Variants in SLC6A18 observed in about 807,000 individuals in gnomAD.
SLC6A18 encodes the protein inactive sodium-dependent neutral amino acid transporter B(0)AT3.
Under a neutral mutation model 62.9 loss-of-function variants are expected in SLC6A18, and 58 were observed. The observed-to-expected ratio is 0.92, with a 90% CI of 0.75 to 1.15. The LOEUF (loss-of-function observed/expected upper bound fraction) is 1.15, where lower values mean the gene tolerates loss of function less well. Ranked by LOEUF, SLC6A18 falls within the 50% of genes most tolerant of loss-of-function variation. SLC6A18 has a pLI of 0.00. For missense variants in SLC6A18, 793 were observed against 836.6 expected (o/e 0.95, Z 0.64); for synonymous variants, 382 against 365.8 (o/e 1.04, Z -0.51).
intron 9 of SLC6A18, 27 bp from the exon 10 acceptor site, chr5:1,244,187 C>CCCCCCCCCCCTT: frequency 6.5e-7 from 1 of 1,542,122 alleles, no homozygotes. Context: ...TCCCCTTACC[C>CCCCCCCCCCCTT]CCCACACCCC....
chr5:1,238,254 G>A (rs1480407440), intron 5 of SLC6A18, among the ~76,000 whole-genome samples, 194 bp downstream of exon 5: 1 of 88,874 alleles, frequency 1.1e-5, no homozygotes, highest in East Asian at 2.3e-4. Context: ...GGTCAGGTTT[G>A]GAGTGAGCCT....
chr5:1,244,469 C>A (rs932357154), intron 10 of SLC6A18, 96 bp downstream of exon 10: 4 of 1,563,914 alleles, frequency 2.6e-6, no homozygotes, highest in East Asian at 2.2e-5. Flanking sequence ...CTGCCCAGAC[C>A]GCCGAGAATG....
chr5:1,232,503 GGT>G, intron 2 of SLC6A18, 144 bp downstream of exon 2: 3 of 1,219,728 alleles, frequency 2.5e-6, no homozygotes, highest in South Asian at 1.5e-5. Context: ...GGAGCCCTTG[GGT>G]GTGTGTGAGA....
At position 1,243,540 on chromosome 5, in the gene SLC6A18, C is replaced by A; in HGVS notation, c.1132-15C>A. On this transcript the variant is annotated splice_polypyrimidine_tract_variant and intron_variant, in intron 8 of 11. Transcript: ENST00000324642. The surrounding 1 kb of genome is among the most constrained non-coding windows in gnomAD (Gnocchi z 6.5). ...TGTGTGCGTGGCCTGAAGCCCGGGG[C>A]TCCGTGTATTGCAGAGTGCCTCGGG... 1.2e-6 allele frequency: 2 copies of A among 1,611,986 alleles called. No individual in the cohort carries two copies. Among genetic ancestry groups the A allele is most frequent in the Non-Finnish European group, 1.7e-6 (2 of 1,179,700 alleles).
chr5:1,232,463 GC>G, intron 2 of SLC6A18, 104 bp downstream of exon 2: 1 of 1,439,572 alleles, frequency 6.9e-7, no homozygotes, highest in Non-Finnish European at 9.3e-7. Context: ...TACGGAAGCG[GC>G]CAGGCCAGGC....
rs1316757110 is a variant in SLC6A18, at chr5:1,241,528, C to T, written c.974+869C>T. Among the ~76,000 whole-genome samples, 1 of 152,168 alleles carries T rather than the reference C, an allele frequency of 6.6e-6. No homozygotes were observed. Among genetic ancestry groups the T allele is most frequent in the Non-Finnish European group, 1.5e-5 (1 of 68,044 alleles). ...CAGCCTCCTGTGCTTGGGAGCAGGG[C>T]AGCACGTCAGCACTGCACCTGATGG... On this transcript the variant is annotated intron_variant, in intron 7 of 11. Transcript: ENST00000324642. This position sits in a 1 kb window ranked among gnomAD's most constrained non-coding sequence, Gnocchi z 7.8.
At chr5:1,227,103 G>C (rs148387583) in intron 1 of SLC6A18, among the ~76,000 whole-genome samples, 94 of 77,258 alleles carry the variant, frequency 1.2e-3, no homozygotes, top group African/African-American at 1.3e-3. Flanking sequence ...GCCCGCCGAC[G>C]CCTTGCCCGC....
chr5:1,234,902 C>T (rs1332834307), intron 3 of SLC6A18, among the ~76,000 whole-genome samples: 1 of 152,220 alleles, frequency 6.6e-6, no homozygotes, highest in Non-Finnish European at 1.5e-5. Context: ...CCATGAGGGG[C>T]CCCCCACATT....
Position 1,242,719 on chromosome 5 carries a change from C to T in SLC6A18, c.987C>T (p.Ser329=). The change falls in exon 8 of 12, where the codon AGC becomes AGT. Residue 329 remains serine, a synonymous_variant. Coordinates refer to ENST00000324642, the MANE Select transcript of SLC6A18 (RefSeq NM_182632.3). ...TCTGTCCCCGCAGAAACATCCTCAG[C>T]CTCATCAACGACTTTGACTTCCCAG... is the stretch of plus-strand genomic sequence containing the variant. ...YEHCLDRNIL[S]LINDFDFPEQ... is the part of the protein sequence containing the mutation. 6.2e-7 allele frequency: 1 copy of T among 1,610,642 alleles called. No individual in the cohort carries two copies. The highest frequency in any genetic ancestry group is 8.5e-7 in the Non-Finnish European group (1 of 1,177,940).
rs868008382 is a variant in SLC6A18 at position 1,232,456 on chromosome 5, G to C, written c.301+97G>C. The C allele has an allele frequency of 6.7e-6, 10 of 1,485,538 alleles. No homozygotes were observed. In the African/African-American group the frequency reaches 1.1e-4, roughly 16 times the overall value. The allele number at this position is 1,485,538 out of a possible 1,614,324, so 92.0% of individuals were successfully genotyped here. A position where few individuals can be genotyped will look rare whatever the true frequency, so the allele number is the denominator to read the frequency against. On this transcript the variant is annotated intron_variant, in intron 2 of 11. Coordinates refer to ENST00000324642, the MANE Select transcript of SLC6A18 (RefSeq NM_182632.3). ...GGGGGCGGGTCCATGCCTGTGGTAC[G>C]GAAGCGGCCAGGCCAGGCCGGCGGG...
At position 1,243,312 on chromosome 5, in the gene SLC6A18, T is replaced by G. The variant is rs13361701; in HGVS notation, c.1132-243T>G. On this transcript the variant is annotated intron_variant, in intron 8 of 11. Coordinates refer to ENST00000324642, the MANE Select transcript of SLC6A18 (RefSeq NM_182632.3). This position sits in a 1 kb window ranked among gnomAD's most constrained non-coding sequence, Gnocchi z 6.5. The stretch of plus-strand genomic sequence containing the variant: ...TGACTCTAGGCATAAAAGGCGCTGG[T>G]TTCTAGGCCCAGCTGCCTGCTGTGG... 0.41 allele frequency among the ~76,000 whole-genome samples: 61,819 copies of G among 151,980 alleles called. 13,209 individuals carry two copies. The highest frequency in any genetic ancestry group is 0.5 in the African/African-American group (20,561 of 41,428).
intron 10 of SLC6A18, 37 bp from the exon 11 acceptor site, chr5:1,244,571 C>A: frequency 6.4e-7 from 1 of 1,567,594 alleles, no homozygotes; most frequent in Non-Finnish European, 8.7e-7. Context: ...GGACCTTCCA[C>A]AGACCATGTG....
At position 1,237,933 on chromosome 5, in the gene SLC6A18, C is replaced by T; in HGVS notation, c.622-17C>T. 2 of 1,593,588 alleles carry T rather than the reference C, an allele frequency of 1.3e-6. No homozygotes were observed. Among genetic ancestry groups the T allele is most frequent in the Non-Finnish European group, 1.7e-6 (2 of 1,161,206 alleles). On this transcript the variant is annotated splice_polypyrimidine_tract_variant and intron_variant, in intron 4 of 11. Coordinates refer to ENST00000324642, the MANE Select transcript of SLC6A18 (RefSeq NM_182632.3). ...AGAGGCCATTTCAAGTCTCATGACT[C>T]CACCTTTTGTTTCAAGGTGATTTAC...
Position 1,246,042 on chromosome 5 carries a change from AGACACGGACATGCGCCCG to A in SLC6A18, c.1867_1884del (p.Pro623_Arg628del), listed in dbSNP as rs763392207. 3.2e-4 allele frequency: 510 copies of A among 1,592,258 alleles called. 2 individuals are homozygous for A. The African/African-American group carries it at 5.2e-3, about 16-fold the overall frequency. On this transcript the variant is annotated inframe_deletion, in exon 12 of 12. Transcript: ENST00000324642. The stretch of plus-strand genomic sequence containing the variant: ...TGCGCCCGGACACGGACACGCGCCC[AGACACGGACATGCGCCCG>A]GACACGGACATGCGCTGAAGCCGGC...
chr5:1,246,149 C>CCCCCGA lies in SLC6A18; in HGVS notation c.*73_*74insCCGACC, dbSNP rs2126545585. ...TGGCCTGATGGTGGGCGGGGCCCCG[C>CCCCCGA]CCACAGGGCCGACCCCAATACACCA... On this transcript the variant is annotated 3_prime_UTR_variant, in exon 12 of 12. Transcript: ENST00000324642. The CCCCCGA allele has an allele frequency of 6.7e-7, 1 of 1,481,610 alleles. No homozygotes were observed. Among genetic ancestry groups the CCCCCGA allele is most frequent in the Non-Finnish European group, 8.9e-7 (1 of 1,121,998 alleles). 91.8% of individuals were successfully genotyped at this position (1,481,610 alleles called of 1,614,324 possible).
Position 1,243,451 on chromosome 5 carries a change from C to G in SLC6A18, c.1132-104C>G. On this transcript the variant is annotated intron_variant, in intron 8 of 11. Transcript: ENST00000324642. This position sits in a 1 kb window ranked among gnomAD's most constrained non-coding sequence, Gnocchi z 6.5. ...CCGACACCAGGAGGGGTGATGTGCACTCGTGTCCTCGGCCTGGGAGAGTGT... is the reference window on the plus strand; with the variant it reads ...CCGACACCAGGAGGGGTGATGTGCAGTCGTGTCCTCGGCCTGGGAGAGTGT... The G allele has an allele frequency of 7.5e-7, 1 of 1,334,736 alleles. No individual in the cohort carries two copies. The highest frequency in any genetic ancestry group is 1.0e-6 in the Non-Finnish European group (1 of 959,108). The allele number at this position is 1,334,736 out of a possible 1,614,324, so 82.7% of individuals were successfully genotyped here.
intron 1 of SLC6A18, among the ~76,000 whole-genome samples, chr5:1,230,962 A>G (rs115631010): frequency 0.012 from 1,819 of 152,280 alleles, 37 homozygotes; most frequent in African/African-American, 0.041. Flanking sequence ...GGCCACCAGG[A>G]CTGAGACGCA....
chr5:1,243,503 T>G lies in SLC6A18; in HGVS notation c.1132-52T>G. The stretch of plus-strand genomic sequence containing the variant: ...TGTCCTGCAGGCAGGCGTGTGTGTG[T>G]GGTGGAGTGTGTGTGTGCGTGGCCT... On this transcript the variant is annotated intron_variant, in intron 8 of 11. Transcript: ENST00000324642. The surrounding 1 kb of genome is among the most constrained non-coding windows in gnomAD (Gnocchi z 6.5). 6.4e-7 allele frequency: 1 copy of G among 1,573,408 alleles called. No individual in the cohort carries two copies. Among genetic ancestry groups the G allele is most frequent in the South Asian group, 1.1e-5 (1 of 89,438 alleles).
At chr5:1,237,568 G>A (rs60871464) in intron 4 of SLC6A18, among the ~76,000 whole-genome samples, 34,869 of 152,080 alleles carry the variant, frequency 0.23, 4,722 homozygotes, top group Middle Eastern at 0.39. Context: ...AGAAACGAGG[G>A]TGACCAGGAG....
Sources: gnomAD v4.1 joint callset for allele counts (sites outside exome capture counted in the v4.1 genomes callset) on GRCh38, gnomAD v4.1.1 for gene constraint, Gnocchi (gnomAD v3.1) non-coding constraint, MANE v1.5 for transcripts, NCBI Gene and HGNC (gene_info 2026-07-23, HGNC 2026-07-21) for gene names.